BMP7: variants seen among roughly 807,000 people sequenced by gnomAD.
The protein encoded by BMP7 is osteogenic protein 1.
In BMP7, 12 loss-of-function variants were observed where a neutral mutation model predicts 41.2. The ratio of observed to expected loss-of-function variants is 0.29; its 90% confidence interval spans 0.19 to 0.47. The LOEUF (loss-of-function observed/expected upper bound fraction) is 0.47. BMP7 is among the 20% of genes least tolerant of loss of function. The pLI is 0.99. For missense variants in BMP7, 467 were observed against 606.0 expected (o/e 0.77, Z 2.41); for synonymous variants, 248 against 250.0 (o/e 0.99, Z 0.07).
At chr20:57,220,641 C>A (rs887472649) in intron 2 of BMP7, among the ~76,000 whole-genome samples, 2 of 152,194 alleles carry the variant, frequency 1.3e-5, no homozygotes, top group African/African-American at 4.8e-5. Flanking sequence ...CGCACACACG[C>A]TGATGTCTCC....
chr20:57,175,369 G>T (rs1983899760), intron 4 of BMP7, among the ~76,000 whole-genome samples: 1 of 152,112 alleles, frequency 6.6e-6, no homozygotes, highest in Non-Finnish European at 1.5e-5. Flanking sequence ...CCTCACACAA[G>T]GCCACTGCAG....
intron 2 of BMP7, among the ~76,000 whole-genome samples, chr20:57,210,110 A>C (rs1984843562): frequency 6.6e-6 from 1 of 152,088 alleles, no homozygotes; most frequent in Admixed American, 6.5e-5. Flanking sequence ...CAAGACCCCA[A>C]AAGTCGTCTT....
At chr20:57,253,429 G>C (rs1404819612) in intron 1 of BMP7, among the ~76,000 whole-genome samples, 1 of 152,122 alleles carries the variant, frequency 6.6e-6, no homozygotes, top group Non-Finnish European at 1.5e-5. Context: ...CCTCTTTCTT[G>C]ACCATAAACT....
chr20:57,227,072 C>G (rs914793376), intron 2 of BMP7, among the ~76,000 whole-genome samples: 3 of 152,164 alleles, frequency 2.0e-5, no homozygotes, highest in Admixed American at 2.0e-4. Flanking sequence ...AATGATCCAC[C>G]TGCCTTGGCC....
chr20:57,203,103 T>A (rs142341877), intron 2 of BMP7, among the ~76,000 whole-genome samples: 1 of 152,262 alleles, frequency 6.6e-6, no homozygotes, highest in African/African-American at 2.4e-5. Flanking sequence ...AAGCCATGAT[T>A]TGCCCAAGGT....
Position 57,170,381 on chromosome 20 carries a change from A to C in BMP7, c.*578T>G, listed in dbSNP as rs1195253759. 3.2e-5 allele frequency: 6 copies of C among 186,162 alleles called. No individual in the cohort carries two copies. Among genetic ancestry groups the C allele is most frequent in the African/African-American group, 1.4e-4 (6 of 42,114 alleles). The allele number at this position is 186,162 out of a possible 1,614,324, so 11.5% of individuals were successfully genotyped here. The stretch of plus-strand genomic sequence containing the variant: ...AAGCCTCAGGATGAAAACTGTAGGG[A>C]ATGGAGAGGGACCTCCCCGCCCTCC... On this transcript the variant is annotated 3_prime_UTR_variant, in exon 7 of 7. Coordinates refer to ENST00000395863, the MANE Select transcript of BMP7 (RefSeq NM_001719.3).
At chr20:57,197,587 A>AGCT (rs1220837202) in intron 3 of BMP7, among the ~76,000 whole-genome samples, 1 of 152,204 alleles carries the variant, frequency 6.6e-6, no homozygotes, top group African/African-American at 2.4e-5. Context: ...CAGCCTTCTC[A>AGCT]GCTTCTATTT....
chr20:57,264,191 G>A (rs528220175), intron 1 of BMP7, among the ~76,000 whole-genome samples: 41 of 152,290 alleles, frequency 2.7e-4, no homozygotes, highest in Non-Finnish European at 5.0e-4. Context: ...ATGGCCTCCC[G>A]GGAACTCCAG....
chr20:57,247,683 G>A (rs1376338334), intron 1 of BMP7, among the ~76,000 whole-genome samples: 1 of 152,142 alleles, frequency 6.6e-6, no homozygotes, highest in Non-Finnish European at 1.5e-5. Flanking sequence ...GGGCAGGCAG[G>A]CGTTTCTTTC....
intron 2 of BMP7, among the ~76,000 whole-genome samples, chr20:57,208,811 A>C (rs1397792674): frequency 6.6e-6 from 1 of 152,252 alleles, no homozygotes; most frequent in East Asian, 1.9e-4. Flanking sequence ...TTATGCTAAG[A>C]AAAAGCAGTC....
In BMP7 at chr20:57,174,823, G is replaced by C; in HGVS notation, c.1035+108C>G. 8.1e-7 allele frequency: 1 copy of C among 1,240,074 alleles called. No homozygotes were observed. The highest frequency in any genetic ancestry group is 1.3e-5 in the South Asian group (1 of 78,044). The allele number at this position is 1,240,074 out of a possible 1,614,324, so 76.8% of individuals were successfully genotyped here. A position where few individuals can be genotyped will look rare whatever the true frequency, so the allele number is the denominator to read the frequency against. On this transcript the variant is annotated intron_variant, in intron 5 of 6. Coordinates refer to ENST00000395863, the MANE Select transcript of BMP7 (RefSeq NM_001719.3). This position sits in a 1 kb window ranked among gnomAD's most constrained non-coding sequence, Gnocchi z 4.3. Reference sequence around the variant, plus strand: ...TCCCTAGCGAGGCCACTTGATACTGGAGTCTTAACTGGCAGAGATGAGAAA... The same window carrying C: ...TCCCTAGCGAGGCCACTTGATACTGCAGTCTTAACTGGCAGAGATGAGAAA...
intron 2 of BMP7, among the ~76,000 whole-genome samples, chr20:57,204,219 C>T (rs1984684269): frequency 6.6e-6 from 1 of 152,190 alleles, no homozygotes; most frequent in South Asian, 2.1e-4. Flanking sequence ...AGGAGCCGAG[C>T]CACTCATGTC....
At chr20:57,187,749 C>G (rs940005104) in intron 3 of BMP7, among the ~76,000 whole-genome samples, 5 of 152,176 alleles carry the variant, frequency 3.3e-5, no homozygotes, top group Non-Finnish European at 5.9e-5. Context: ...CTGAAGCCCG[C>G]ATTCTCACCC....
At chr20:57,202,288 T>G (rs969506094) in intron 3 of BMP7, among the ~76,000 whole-genome samples, 187 bp downstream of exon 3, 1 of 151,900 alleles carries the variant, frequency 6.6e-6, no homozygotes, top group Admixed American at 6.6e-5. Context: ...TGACCAAACA[T>G]GTAATCTTCT....
rs754970222 is a variant in BMP7, at chr20:57,228,463, T to G, written c.419-42A>C. On this transcript the variant is annotated intron_variant, in intron 1 of 6. Transcript: ENST00000395863. The surrounding 1 kb of genome is among the most constrained non-coding windows in gnomAD (Gnocchi z 4.5). ...ACACACACCAACACCGACAGCTCAT[T>G]AGTGTCTGGGTTTCACTCTCTGGCT... 6 of 1,603,182 alleles carry G rather than the reference T, an allele frequency of 3.7e-6. No homozygotes were observed. In the Admixed American group the frequency reaches 1.0e-4, roughly 27 times the overall value.
intron 3 of BMP7, among the ~76,000 whole-genome samples, chr20:57,196,420 C>T (rs1984492968): frequency 6.6e-6 from 1 of 152,208 alleles, no homozygotes; most frequent in Non-Finnish European, 1.5e-5. Context: ...AACACAACAG[C>T]CAAATCTTCA....
chr20:57,248,412 A>T (rs2066098457), intron 1 of BMP7, among the ~76,000 whole-genome samples: 1 of 152,196 alleles, frequency 6.6e-6, no homozygotes, highest in African/African-American at 2.4e-5. Flanking sequence ...GCTTACACAC[A>T]GTTTAGCCCA....
intron 1 of BMP7, among the ~76,000 whole-genome samples, chr20:57,236,451 T>C (rs1034527063): frequency 1.3e-5 from 2 of 152,326 alleles, no homozygotes; most frequent in East Asian, 3.9e-4. Context: ...CTGGCAAGAA[T>C]GCTCAAGCTG....
chr20:57,199,711 C>T (rs1324119821), intron 3 of BMP7, among the ~76,000 whole-genome samples: 1 of 152,222 alleles, frequency 6.6e-6, no homozygotes, highest in Non-Finnish European at 1.5e-5. Context: ...TTTAGCTCAC[C>T]CCCAAGAGGT....
Sources: allele counts gnomAD v4.1 joint callset (sites outside exome capture counted in the v4.1 genomes callset), GRCh38; gene constraint gnomAD v4.1.1; non-coding constraint Gnocchi (gnomAD v3.1); transcripts MANE v1.5; gene names NCBI Gene and HGNC (gene_info 2026-07-23, HGNC 2026-07-21).